BCAS3: variants seen among roughly 807,000 people sequenced by gnomAD.
The protein encoded by BCAS3 is BCAS3 microtubule associated cell migration factor.
A neutral mutation model predicts 116.1 loss-of-function variants in BCAS3; 53 were observed. The observed-to-expected ratio is 0.46, with a 90% CI of 0.37 to 0.57. The LOEUF (loss-of-function observed/expected upper bound fraction) is 0.57. Ranked by LOEUF, BCAS3 falls within the 20% of genes least tolerant of loss-of-function variation. The pLI is 0.00. For missense variants in BCAS3, 917 were observed against 1,165.4 expected (o/e 0.79, Z 3.10); for synonymous variants, 391 against 408.2 (o/e 0.96, Z 0.51).
intron 14 of BCAS3, among the ~76,000 whole-genome samples, chr17:60,970,847 G>T (rs976454143): frequency 6.6e-6 from 1 of 152,076 alleles, no homozygotes; most frequent in Admixed American, 6.6e-5. Context: ...AGAGAAAAAA[G>T]ACATAAATTA....
intron 22 of BCAS3, among the ~76,000 whole-genome samples, chr17:61,297,767 G>A (rs904818499): frequency 3.3e-5 from 5 of 152,176 alleles, no homozygotes; most frequent in Admixed American, 2.6e-4. Flanking sequence ...CGTGTTCACT[G>A]TGAGAATAAC....
intron 2 of BCAS3, among the ~76,000 whole-genome samples, chr17:60,681,197 T>C (rs2033044722): frequency 6.6e-6 from 1 of 151,880 alleles, no homozygotes; most frequent in South Asian, 2.1e-4. Context: ...AGAGTGAGAC[T>C]GTGTCTTAAA....
intron 13 of BCAS3, among the ~76,000 whole-genome samples, chr17:60,944,595 A>G (rs1276981646): frequency 6.6e-6 from 1 of 152,114 alleles, no homozygotes; most frequent in Admixed American, 6.5e-5. Flanking sequence ...ACAAATCAGT[A>G]TTTCTCAGGG....
At chr17:60,713,573 C>T (rs566617185) in intron 5 of BCAS3, among the ~76,000 whole-genome samples, 5 of 152,206 alleles carry the variant, frequency 3.3e-5, no homozygotes, top group East Asian at 1.9e-4. Context: ...GTACTGAACA[C>T]GTATAGAGTT....
At position 61,312,287 on chromosome 17, in the gene BCAS3, G is replaced by T. The variant is rs1253919980; in HGVS notation, c.2426-56040G>T. On this transcript the variant is annotated intron_variant, in intron 22 of 23. Transcript: ENST00000407086. The stretch of plus-strand genomic sequence containing the variant: ...CTCCAAGGAAGGGGAAGGGAGCAAG[G>T]AGTGGGGGAGGGTGTCAGCTCAGAG... Among the ~76,000 whole-genome samples the T allele has an allele frequency of 5.3e-5, 8 of 152,320 alleles. No individual in the cohort carries two copies. The East Asian group carries it at 1.4e-3, about 26-fold the overall frequency.
chr17:60,757,319 AAATAAT>A (rs201190405), intron 6 of BCAS3, among the ~76,000 whole-genome samples: 5,137 of 61,340 alleles, frequency 0.084, 562 homozygotes, highest in East Asian at 0.6. Flanking sequence ...TGTCTCAAAA[AAATAAT>A]AATAATAAAT....
At chr17:61,102,176 T>C (rs1173941651) in intron 22 of BCAS3, among the ~76,000 whole-genome samples, 1 of 152,168 alleles carries the variant, frequency 6.6e-6, no homozygotes, top group Non-Finnish European at 1.5e-5. Flanking sequence ...GTTGTGATCA[T>C]GAAAATTAAC....
chr17:61,114,994 A>T (rs1355963528), intron 22 of BCAS3, among the ~76,000 whole-genome samples: 1 of 151,882 alleles, frequency 6.6e-6, no homozygotes. Flanking sequence ...TGGGGAAAGG[A>T]TTCCCTATTT....
At chr17:60,689,212 C>T (rs73332351) in intron 3 of BCAS3, among the ~76,000 whole-genome samples, 7,226 of 152,154 alleles carry the variant, frequency 0.047, 605 homozygotes, top group African/African-American at 0.16. Flanking sequence ...CTTGCTCAGT[C>T]GCCTAGGCTG....
intron 22 of BCAS3, among the ~76,000 whole-genome samples, chr17:61,115,184 A>G (rs1420525021): frequency 6.6e-6 from 1 of 151,148 alleles, no homozygotes; most frequent in African/African-American, 2.4e-5. Context: ...GCATGGGCAA[A>G]GACTTCATGT....
intron 6 of BCAS3, among the ~76,000 whole-genome samples, chr17:60,800,143 A>G (rs1389071730): frequency 6.6e-6 from 1 of 152,192 alleles, no homozygotes; most frequent in Non-Finnish European, 1.5e-5. Flanking sequence ...TTGTTTGGAC[A>G]AAAGTCTTCA....
At chr17:60,924,048 C>T (rs2059240433) in intron 12 of BCAS3, among the ~76,000 whole-genome samples, 1 of 152,100 alleles carries the variant, frequency 6.6e-6, no homozygotes, top group African/African-American at 2.4e-5. Flanking sequence ...CACAGTAAGA[C>T]CTGTATTTCC....
chr17:61,169,306 A>C (rs1455810286), intron 22 of BCAS3, among the ~76,000 whole-genome samples: 1 of 152,230 alleles, frequency 6.6e-6, no homozygotes, highest in Admixed American at 6.5e-5. Flanking sequence ...ACAGTTTTTG[A>C]GAAGTCTGGA....
chr17:60,783,924 T>A (rs762697314), intron 6 of BCAS3, among the ~76,000 whole-genome samples: 4 of 152,166 alleles, frequency 2.6e-5, no homozygotes, highest in Non-Finnish European at 4.4e-5. Flanking sequence ...GCAGCTGTAG[T>A]GAACAATGAG....
chr17:60,716,379 G>C (rs2038610531), intron 5 of BCAS3, among the ~76,000 whole-genome samples: 1 of 152,188 alleles, frequency 6.6e-6, no homozygotes, highest in South Asian at 2.1e-4. Context: ...CTTAGGGTAA[G>C]ACTGGAACAA....
intron 22 of BCAS3, among the ~76,000 whole-genome samples, chr17:61,267,080 C>T (rs1435919080): frequency 6.6e-6 from 1 of 152,140 alleles, no homozygotes; most frequent in Non-Finnish European, 1.5e-5. Flanking sequence ...GTTTTTGAGA[C>T]GGAGTCTCGC....
At chr17:60,852,472 T>A (rs2053261455) in intron 7 of BCAS3, among the ~76,000 whole-genome samples, 1 of 152,196 alleles carries the variant, frequency 6.6e-6, no homozygotes, top group Non-Finnish European at 1.5e-5. Flanking sequence ...GTACTTGATG[T>A]CCTCTTAAGG....
Position 61,236,528 on chromosome 17 carries a change from G to C in BCAS3, c.2426-131799G>C, listed in dbSNP as rs530020715. Among the ~76,000 whole-genome samples, 51 of 152,172 alleles carry C rather than the reference G, an allele frequency of 3.4e-4. No homozygotes were observed. The South Asian group carries it at 0.01, about 30-fold the overall frequency. On this transcript the variant is annotated intron_variant, in intron 22 of 23. Transcript: ENST00000407086. Reference sequence around the variant, plus strand: ...GTAGAGACGGGGTTTCACTGTGTTAGCCAGGGTGGTCTCGATCTCCTGACC... The same window carrying C: ...GTAGAGACGGGGTTTCACTGTGTTACCCAGGGTGGTCTCGATCTCCTGACC...
chr17:61,292,637 C>T (rs970588244), intron 22 of BCAS3, among the ~76,000 whole-genome samples: 3 of 151,848 alleles, frequency 2.0e-5, no homozygotes, highest in Admixed American at 6.6e-5. Context: ...GGTGACAGAG[C>T]GAGGCTCCGT....
Sources: gnomAD v4.1 joint callset for allele counts (sites outside exome capture counted in the v4.1 genomes callset) on GRCh38, gnomAD v4.1.1 for gene constraint, MANE v1.5 for transcripts, NCBI Gene and HGNC (gene_info 2026-07-23, HGNC 2026-07-21) for gene names.